PRKAB2: variants seen among roughly 807,000 people sequenced by gnomAD.
PRKAB2 encodes protein kinase AMP-activated non-catalytic subunit beta 2, also known as 5'-AMP-activated protein kinase subunit beta-2.
Under a neutral mutation model 29.8 loss-of-function variants are expected in PRKAB2, and 18 were observed. The ratio of observed to expected loss-of-function variants is 0.60; its 90% CI spans 0.42 to 0.89. The LOEUF (loss-of-function observed/expected upper bound fraction) is 0.89, where lower values mean the gene tolerates loss of function less well. Among genes scored for constraint, PRKAB2 ranks in the 40% least tolerant of loss-of-function variants. The pLI is 0.00. For missense variants in PRKAB2, 270 were observed against 344.3 expected (o/e 0.78, Z 1.71); for synonymous variants, 136 against 125.9 (o/e 1.08, Z -0.54).
At position 147,166,390 on chromosome 1, in the gene PRKAB2, A is replaced by G. The variant is rs919571930; in HGVS notation, c.538+108T>C. On this transcript the variant is annotated intron_variant, in intron 5 of 7. Coordinates refer to ENST00000254101, the MANE Select transcript of PRKAB2 (RefSeq NM_005399.5). ...CTCTGTCTCTCTCTCTCCTCCCCCC[A>G]ACCCCCTGCTCTCTCTCTCCCTCTA... The G allele has an allele frequency of 4.1e-6, 5 of 1,227,670 alleles. No individual in the cohort carries two copies. The African/African-American group carries it at 7.7e-5, about 19-fold the overall frequency. 76.0% of individuals were successfully genotyped at this position (1,227,670 alleles called of 1,614,324 possible).
intron 2 of PRKAB2, among the ~76,000 whole-genome samples, chr1:147,168,982 T>C (rs1180678228): frequency 1.3e-5 from 2 of 152,182 alleles, no homozygotes; most frequent in African/African-American, 2.4e-5. Flanking sequence ...TTACCTATAT[T>C]GTCTATAGCT....
chr1:147,169,415 C>T (rs1034914698), intron 2 of PRKAB2, among the ~76,000 whole-genome samples: 18 of 152,158 alleles, frequency 1.2e-4, no homozygotes, highest in African/African-American at 2.9e-4. Flanking sequence ...TAACTGGCTG[C>T]GTTAGAATTA....
At chr1:147,164,304 A>G (rs1654125021) in intron 5 of PRKAB2, among the ~76,000 whole-genome samples, 1 of 152,178 alleles carries the variant, frequency 6.6e-6, no homozygotes, top group Admixed American at 6.5e-5. Flanking sequence ...ATGTAACAAA[A>G]TAAAATAGCT....
chr1:147,167,836 T>C lies in PRKAB2; in HGVS notation c.254A>G (p.Glu85Gly), dbSNP rs1559612310. The change falls in exon 3 of 8, where the codon GAA (glutamate) becomes GGA (glycine). Residue 85 changes from glutamate (E) to glycine (G), a missense_variant. This residue lies in a region of PRKAB2 where 228 missense variants were observed against 255.5 expected (regional missense o/e 0.89). Coordinates refer to ENST00000254101, the MANE Select transcript of PRKAB2 (RefSeq NM_005399.5). ...QARPTVIRWS[E>G]GGKEVFISGS... The stretch of plus-strand genomic sequence containing the variant: ...AGAGATGAAGACCTCCTTGCCTCCT[T>C]CAGACCAGCGGATAACAGTGGGCCG... 2 of 1,614,170 alleles carry C rather than the reference T, an allele frequency of 1.2e-6. No homozygotes were observed. The highest frequency in any genetic ancestry group is 1.7e-5 in the Admixed American group (1 of 60,026).
In PRKAB2 at chr1:147,156,065, C is replaced by T. The variant is rs2101607730; in HGVS notation, c.*3500G>A. 1 of 152,450 alleles carries T rather than the reference C, an allele frequency of 6.6e-6. No homozygotes were observed. Among genetic ancestry groups the T allele is most frequent in the East Asian group, 1.9e-4 (1 of 5,186 alleles). 9.4% of individuals were successfully genotyped at this position (152,450 alleles called of 1,614,324 possible). Reference sequence around the variant, plus strand: ...CCCAGGTCCTGCATTCCATGGGTAACTGGAGTCAGCAGCCCCTGGTAGAAG... The same window carrying T: ...CCCAGGTCCTGCATTCCATGGGTAATTGGAGTCAGCAGCCCCTGGTAGAAG... On this transcript the variant is annotated 3_prime_UTR_variant, in exon 8 of 8. Coordinates refer to ENST00000254101, the MANE Select transcript of PRKAB2 (RefSeq NM_005399.5).
At chr1:147,160,237 C>G (rs1559607571) in intron 7 of PRKAB2, among the ~76,000 whole-genome samples, 2 of 152,094 alleles carry the variant, frequency 1.3e-5, no homozygotes, top group Admixed American at 6.5e-5. Flanking sequence ...TGTCAAAATC[C>G]TCTTCAGAAA....
At chr1:147,161,648 A>T (rs1653967406) in intron 7 of PRKAB2, 64 bp downstream of exon 7, 3 of 1,361,598 alleles carry the variant, frequency 2.2e-6, no homozygotes, top group Non-Finnish European at 3.1e-6. Flanking sequence ...AACCACTGAG[A>T]ACGTATGTTA....
At chr1:147,172,384 C>T (rs1405263943) in intron 1 of PRKAB2, 45 bp downstream of exon 1, 5 of 570,630 alleles carry the variant, frequency 8.8e-6, no homozygotes, top group African/African-American at 6.0e-5. Context: ...GGGACCTCCC[C>T]CGCGTCCCCG....
chr1:147,171,112 C>A (rs1654534295), intron 2 of PRKAB2, among the ~76,000 whole-genome samples: 1 of 152,224 alleles, frequency 6.6e-6, no homozygotes, highest in Non-Finnish European at 1.5e-5. Flanking sequence ...GCTGACAGCT[C>A]TGAAAGCCAT....
chr1:147,170,338 C>A (rs938812417), intron 2 of PRKAB2, among the ~76,000 whole-genome samples: 1 of 152,122 alleles, frequency 6.6e-6, no homozygotes, highest in Non-Finnish European at 1.5e-5. Context: ...GACAGAGCAA[C>A]CTGGCTTTTA....
At chr1:147,167,277 AC>A (rs1268130415) in intron 3 of PRKAB2, among the ~76,000 whole-genome samples, 3 of 152,214 alleles carry the variant, frequency 2.0e-5, no homozygotes, top group African/African-American at 7.2e-5. Context: ...GGTTTAGGAT[AC>A]AGAAGTGCCT....
In PRKAB2 at chr1:147,155,461, T is replaced by C. The variant is rs956280294; in HGVS notation, c.*4104A>G. On this transcript the variant is annotated 3_prime_UTR_variant, in exon 8 of 8. Coordinates refer to ENST00000254101, the MANE Select transcript of PRKAB2 (RefSeq NM_005399.5). ...TGTACCAAAATTCAAACAAGTCTCA[T>C]TTATGAGACCCGTGTAGTGATTAGG... is the stretch of plus-strand genomic sequence containing the variant. 2 of 152,526 alleles carry C rather than the reference T, an allele frequency of 1.3e-5. No individual in the cohort carries two copies. The highest frequency in any genetic ancestry group is 2.4e-5 in the African/African-American group (1 of 41,404). 9.4% of individuals were successfully genotyped at this position (152,526 alleles called of 1,614,324 possible).
chr1:147,161,229 G>C (rs1003793717), intron 7 of PRKAB2, among the ~76,000 whole-genome samples: 1 of 152,088 alleles, frequency 6.6e-6, no homozygotes, highest in Non-Finnish European at 1.5e-5. Context: ...TAGAGTTGAC[G>C]GGACAGGGCA....
chr1:147,166,396 C>G, intron 5 of PRKAB2, 102 bp downstream of exon 5: 4 of 1,295,108 alleles, frequency 3.1e-6, no homozygotes, highest in Non-Finnish European at 4.2e-6. Flanking sequence ...CCCCAACCCC[C>G]TGCTCTCTCT....
At position 147,156,766 on chromosome 1, in the gene PRKAB2, A is replaced by C. The variant is rs1653695532; in HGVS notation, c.*2799T>G. ...CACATGAGCTTAAAGCAGAATGGAAAGGAAAGAGGAGAGAATTGGAACAAG... is the reference window on the plus strand; with the variant it reads ...CACATGAGCTTAAAGCAGAATGGAACGGAAAGAGGAGAGAATTGGAACAAG... On this transcript the variant is annotated 3_prime_UTR_variant, in exon 8 of 8. Coordinates refer to ENST00000254101, the MANE Select transcript of PRKAB2 (RefSeq NM_005399.5). 1 of 152,192 alleles carries C rather than the reference A, an allele frequency of 6.6e-6. No homozygotes were observed. Among genetic ancestry groups the C allele is most frequent in the Non-Finnish European group, 1.5e-5 (1 of 68,032 alleles). 9.4% of individuals were successfully genotyped at this position (152,192 alleles called of 1,614,324 possible).
chr1:147,162,964 T>C (rs906068533), intron 5 of PRKAB2, among the ~76,000 whole-genome samples: 7 of 152,216 alleles, frequency 4.6e-5, no homozygotes, highest in Non-Finnish European at 1.0e-4. Context: ...AGATAATGGA[T>C]GTAAAGATGC....
At chr1:147,164,773 C>T (rs1654154754) in intron 5 of PRKAB2, among the ~76,000 whole-genome samples, 1 of 152,138 alleles carries the variant, frequency 6.6e-6, no homozygotes, top group Admixed American at 6.5e-5. Flanking sequence ...AGCGTTACCT[C>T]AATAGATTGG....
rs1462051027 is a variant in PRKAB2, at chr1:147,159,501, G to A, written c.*64C>T. On this transcript the variant is annotated 3_prime_UTR_variant, in exon 8 of 8. Transcript: ENST00000254101. Reference sequence around the variant, plus strand: ...CAGCCTTCCAGTCTCAGGTAAGACTGGTTCAGTCCAGAAATGCAAGGGAGA... The same window carrying A: ...CAGCCTTCCAGTCTCAGGTAAGACTAGTTCAGTCCAGAAATGCAAGGGAGA... 5 of 1,444,144 alleles carry A rather than the reference G, an allele frequency of 3.5e-6. No homozygotes were observed. The African/African-American group carries it at 7.0e-5, about 20-fold the overall frequency. 89.5% of individuals were successfully genotyped at this position (1,444,144 alleles called of 1,614,324 possible).
chr1:147,156,045 G>A lies in PRKAB2; in HGVS notation c.*3520C>T, dbSNP rs587631026. 1.3e-5 allele frequency: 2 copies of A among 152,400 alleles called. No individual in the cohort carries two copies. The highest frequency in any genetic ancestry group is 3.9e-4 in the East Asian group (2 of 5,184). 9.4% of individuals were successfully genotyped at this position (152,400 alleles called of 1,614,324 possible). A position where few individuals can be genotyped will look rare whatever the true frequency, so the allele number is the denominator to read the frequency against. ...AGACCCTAATGGCTACCCCTCCCAGGTCCTGCATTCCATGGGTAACTGGAG... is the reference window on the plus strand; with the variant it reads ...AGACCCTAATGGCTACCCCTCCCAGATCCTGCATTCCATGGGTAACTGGAG... On this transcript the variant is annotated 3_prime_UTR_variant, in exon 8 of 8. Transcript: ENST00000254101.
Sources: gnomAD v4.1 joint callset for allele counts (sites outside exome capture counted in the v4.1 genomes callset) on GRCh38, gnomAD v4.1.1 for gene constraint, gnomAD v4.1.1 regional missense constraint, MANE v1.5 for transcripts, NCBI Gene and HGNC (gene_info 2026-07-23, HGNC 2026-07-21) for gene names.